The following PLOD2 variants were observed in gnomAD, a reference collection of about 807,000 sequenced individuals.
PLOD2 encodes the protein procollagen-lysine,2-oxoglutarate 5-dioxygenase 2, also known as lysine hydroxylase 2.
Under a neutral mutation model 101.0 loss-of-function variants are expected in PLOD2, and 65 were observed. The ratio of observed to expected loss-of-function variants is 0.64; its 90% confidence interval spans 0.53 to 0.79. PLOD2 has a LOEUF of 0.79. Ranked by LOEUF, PLOD2 falls within the 30% of genes least tolerant of loss-of-function variation. The pLI is 0.00. For missense variants in PLOD2, 909 were observed against 914.6 expected (o/e 0.99, Z 0.08); for synonymous variants, 314 against 302.9 (o/e 1.04, Z -0.38).
At chr3:146,082,730 A>C (rs1280847108) in intron 11 of PLOD2, among the ~76,000 whole-genome samples, 1 of 151,998 alleles carries the variant, frequency 6.6e-6, no homozygotes, top group Non-Finnish European at 1.5e-5. Flanking sequence ...ATCTCTACTA[A>C]TAATACCAAA....
At chr3:146,145,955 T>C (rs1316207918) in intron 1 of PLOD2, among the ~76,000 whole-genome samples, 3 of 152,198 alleles carry the variant, frequency 2.0e-5, no homozygotes, top group Non-Finnish European at 4.4e-5. Flanking sequence ...AGTTGTACCA[T>C]GCCGTCTCTT....
intron 7 of PLOD2, among the ~76,000 whole-genome samples, chr3:146,098,009 C>G (rs867250152): frequency 4.6e-5 from 7 of 151,838 alleles, no homozygotes; most frequent in East Asian, 1.9e-4. Context: ...AATGAGAACT[C>G]GTGGACACAG....
intron 1 of PLOD2, among the ~76,000 whole-genome samples, chr3:146,160,458 G>A (rs2032518206): frequency 6.6e-6 from 1 of 152,154 alleles, no homozygotes; most frequent in African/African-American, 2.4e-5. Context: ...GAAGGAATGT[G>A]TCACCATCAA....
Position 146,071,167 on chromosome 3 carries a change from C to T in PLOD2, c.1996G>A (p.Gly666Arg). 6.2e-7 allele frequency: 1 copy of T among 1,610,890 alleles called. No homozygotes were observed. The highest frequency in any genetic ancestry group is 1.1e-5 in the South Asian group (1 of 90,946). Residue 666 changes from glycine (G) to arginine (R), a missense_variant and splice_region_variant, in exon 19 of 20, where the codon GGA (glycine) becomes AGA (arginine). Transcript: ENST00000282903. ...ACTACAAAATTCAGTAGTGCAAATC[C>T]CTGAAAAAGCAAAGTAAGCCAGTGG... ...LKVFAGYYTKGFALLNFVVKY... is the reference protein window; with the variant it reads ...LKVFAGYYTKRFALLNFVVKY...
chr3:146,145,501 G>A (rs981776299), intron 1 of PLOD2, among the ~76,000 whole-genome samples: 1 of 152,140 alleles, frequency 6.6e-6, no homozygotes. Context: ...TAATTTGAAT[G>A]CAAGATACTC....
At chr3:146,115,387 T>C (rs1056258692) in intron 3 of PLOD2, among the ~76,000 whole-genome samples, 10 of 152,158 alleles carry the variant, frequency 6.6e-5, no homozygotes, top group Non-Finnish European at 1.0e-4. Context: ...CAATAGATGA[T>C]TGAGATTTTC....
intron 3 of PLOD2, among the ~76,000 whole-genome samples, chr3:146,116,564 T>C (rs1193134548): frequency 6.6e-6 from 1 of 152,092 alleles, no homozygotes; most frequent in Non-Finnish European, 1.5e-5. Flanking sequence ...CTACTTATAA[T>C]AGTAAATATA....
chr3:146,076,717 A>T, intron 15 of PLOD2, 65 bp downstream of exon 15: 1 of 824,598 alleles, frequency 1.2e-6, no homozygotes. Flanking sequence ...TCATATTATT[A>T]ACCAACTGAT....
intron 1 of PLOD2, among the ~76,000 whole-genome samples, chr3:146,146,652 C>G (rs2031795442): frequency 6.6e-6 from 1 of 152,170 alleles, no homozygotes; most frequent in Non-Finnish European, 1.5e-5. Context: ...GACAGCTTCT[C>G]CATCCCTGGG....
intron 8 of PLOD2, among the ~76,000 whole-genome samples, chr3:146,090,055 T>C (rs1238405755): frequency 1.3e-5 from 2 of 151,380 alleles, no homozygotes; most frequent in Non-Finnish European, 3.0e-5. Context: ...ATTTATTGAA[T>C]ACTGACCACT....
chr3:146,074,857 G>A (rs1459146544), intron 15 of PLOD2, among the ~76,000 whole-genome samples: 2 of 151,512 alleles, frequency 1.3e-5, no homozygotes. Context: ...ATTTTGCTAT[G>A]GGGTATCCCT....
intron 1 of PLOD2, among the ~76,000 whole-genome samples, chr3:146,127,628 A>G (rs560706002): frequency 6.6e-6 from 1 of 152,264 alleles, no homozygotes; most frequent in Admixed American, 6.5e-5. Flanking sequence ...ATAGTGCTGC[A>G]ATAAACTTAT....
chr3:146,107,115 C>T (rs1172596033), intron 4 of PLOD2, among the ~76,000 whole-genome samples: 16 of 152,268 alleles, frequency 1.1e-4, no homozygotes, highest in Admixed American at 7.8e-4. Context: ...TGCAATCAAA[C>T]GAATGCTGGA....
At chr3:146,078,222 G>A (rs989309683) in intron 13 of PLOD2, among the ~76,000 whole-genome samples, 1 of 151,756 alleles carries the variant, frequency 6.6e-6, no homozygotes, top group African/African-American at 2.4e-5. Flanking sequence ...GAGTAAGAGA[G>A]GCCATTCCAT....
At chr3:146,084,367 G>GATAT (rs57638108) in intron 11 of PLOD2, among the ~76,000 whole-genome samples, 3 of 150,938 alleles carry the variant, frequency 2.0e-5, no homozygotes, top group East Asian at 1.9e-4. Context: ...AAATTCTAGT[G>GATAT]ATATATATAT....
chr3:146,107,406 CTA>C (rs1392257276), intron 4 of PLOD2, among the ~76,000 whole-genome samples: 2 of 152,090 alleles, frequency 1.3e-5, no homozygotes, highest in African/African-American at 2.4e-5. Context: ...AGCCAAGCTG[CTA>C]TGTTTCATTG....
At chr3:146,156,535 A>G (rs541409343) in intron 1 of PLOD2, among the ~76,000 whole-genome samples, 1 of 152,372 alleles carries the variant, frequency 6.6e-6, no homozygotes, top group Admixed American at 6.5e-5. Flanking sequence ...TTAAAAATGT[A>G]AACATCTCTG....
At chr3:146,095,909 T>A (rs1188336747) in intron 7 of PLOD2, among the ~76,000 whole-genome samples, 1 of 32,514 alleles carries the variant, frequency 3.1e-5, no homozygotes, top group Non-Finnish European at 6.2e-5. Flanking sequence ...CTCCCCCCTC[T>A]CCCTCCACAG....
rs1936073949 is a variant in PLOD2 at position 146,070,199 on chromosome 3, G to A, written c.*518C>T. On this transcript the variant is annotated 3_prime_UTR_variant, in exon 20 of 20. Coordinates refer to ENST00000282903, the MANE Select transcript of PLOD2 (RefSeq NM_182943.3). Reference sequence around the variant, plus strand: ...GTGTAATTCTTTGTGTGTTCCCTTAGTAACTACTGTAAATAAGACCTGCAT... The same window carrying A: ...GTGTAATTCTTTGTGTGTTCCCTTAATAACTACTGTAAATAAGACCTGCAT... 1 of 152,130 alleles carries A rather than the reference G, an allele frequency of 6.6e-6. No individual in the cohort carries two copies. The highest frequency in any genetic ancestry group is 6.6e-5 in the Admixed American group (1 of 15,206). The allele number at this position is 152,130 out of a possible 1,614,324, so 9.4% of individuals were successfully genotyped here.
Sources: allele counts gnomAD v4.1 joint callset (sites outside exome capture counted in the v4.1 genomes callset), GRCh38; gene constraint gnomAD v4.1.1; transcripts MANE v1.5; gene names NCBI Gene and HGNC (gene_info 2026-07-23, HGNC 2026-07-21).